HSPA12A: variants seen among roughly 807,000 people sequenced by gnomAD.
The protein encoded by HSPA12A is heat shock protein family A (Hsp70) member 12A.
HSPA12A carries 28 observed loss-of-function variants against 69.2 expected under a neutral mutation model. The observed-to-expected ratio is 0.40, with a 90% CI of 0.30 to 0.55. HSPA12A has a LOEUF of 0.55. Among genes scored for constraint, HSPA12A ranks in the 20% least tolerant of loss-of-function variants. HSPA12A has a pLI of 0.38. For missense variants in HSPA12A, 686 were observed against 900.7 expected (o/e 0.76, Z 3.05); for synonymous variants, 345 against 370.5 (o/e 0.93, Z 0.79).
At chr10:116,701,236 C>T (rs1008308) in intron 3 of HSPA12A, 107 bp from the exon 4 acceptor site, 59,568 of 1,017,750 alleles carry the variant, frequency 0.059, 2,795 homozygotes, top group East Asian at 0.25. Context: ...AATGTGGGTG[C>T]CCAGAGGCAC....
At chr10:116,772,379 G>A (rs1358544329) in intron 2 of HSPA12A, among the ~76,000 whole-genome samples, 2 of 152,118 alleles carry the variant, frequency 1.3e-5, no homozygotes, top group African/African-American at 4.8e-5. Context: ...ACTTGCTCCT[G>A]GGACCAGCAG....
intron 2 of HSPA12A, among the ~76,000 whole-genome samples, chr10:116,747,632 C>T (rs1564807034): frequency 6.6e-6 from 1 of 152,230 alleles, no homozygotes; most frequent in Non-Finnish European, 1.5e-5. Flanking sequence ...TTCTCCAGCC[C>T]ACAGCCCAGT....
At chr10:116,835,076 T>A (rs562963058) in intron 1 of HSPA12A, 1 of 1,145,474 alleles carries the variant, frequency 8.7e-7, no homozygotes, top group South Asian at 4.4e-5. Flanking sequence ...TGTTTCCATG[T>A]TGCTCTTAAG....
intron 1 of HSPA12A, among the ~76,000 whole-genome samples, chr10:116,727,239 C>A (rs1046286526): frequency 2.6e-5 from 4 of 152,162 alleles, no homozygotes; most frequent in African/African-American, 9.7e-5. Context: ...GGGGTCAACT[C>A]ATACAGCTAA....
chr10:116,778,479 A>C (rs58387263), intron 2 of HSPA12A, among the ~76,000 whole-genome samples: 1 of 152,162 alleles, frequency 6.6e-6, no homozygotes, highest in African/African-American at 2.4e-5. Context: ...TCCCTCCCTC[A>C]GAGAGAACCA....
chr10:116,688,082 C>T (rs1171049064), intron 6 of HSPA12A, among the ~76,000 whole-genome samples: 1 of 152,210 alleles, frequency 6.6e-6, no homozygotes, highest in African/African-American at 2.4e-5. Flanking sequence ...ATGTGGCCCA[C>T]GGAAGCCAAA....
At chr10:116,773,821 G>A (rs75456987) in intron 2 of HSPA12A, among the ~76,000 whole-genome samples, 2,214 of 152,314 alleles carry the variant, frequency 0.015, 14 homozygotes, top group Middle Eastern at 0.048. Flanking sequence ...TGATGATGAC[G>A]ATGATGGTGA....
At chr10:116,716,136 G>C (rs1183728600) in intron 1 of HSPA12A, among the ~76,000 whole-genome samples, 5 of 151,894 alleles carry the variant, frequency 3.3e-5, no homozygotes, top group Non-Finnish European at 5.9e-5. Context: ...TGTGAACCCA[G>C]GGCCTCAGAG....
chr10:116,686,849 C>T lies in HSPA12A; in HGVS notation c.664-2887G>A, dbSNP rs2132925418. On this transcript the variant is annotated intron_variant, in intron 6 of 11. Coordinates refer to ENST00000369209, the MANE Select transcript of HSPA12A (RefSeq NM_025015.3). This position sits in a 1 kb window ranked among gnomAD's most constrained non-coding sequence, Gnocchi z 4.1. ...CCTTCCCAAACCATAAGCTCCACCC[C>T]TCATCCCTCTTCCCACACCATAAGC... Among the ~76,000 whole-genome samples the T allele has an allele frequency of 6.6e-6, 1 of 151,338 alleles. No individual in the cohort carries two copies. Among genetic ancestry groups the T allele is most frequent in the East Asian group, 1.9e-4 (1 of 5,132 alleles).
At chr10:116,694,319 C>A (rs140478699) in intron 5 of HSPA12A, among the ~76,000 whole-genome samples, 1 of 152,304 alleles carries the variant, frequency 6.6e-6, no homozygotes, top group East Asian at 1.9e-4. Flanking sequence ...AAGCCATAAC[C>A]CCCTCCCTCC....
chr10:116,797,230 G>C (rs1844847776), intron 2 of HSPA12A, among the ~76,000 whole-genome samples: 1 of 152,112 alleles, frequency 6.6e-6, no homozygotes, highest in African/African-American at 2.4e-5. Flanking sequence ...TATCTGTGTA[G>C]ATCCTATGTA....
At chr10:116,754,122 C>T (rs1416070896) in intron 2 of HSPA12A, among the ~76,000 whole-genome samples, 1 of 152,130 alleles carries the variant, frequency 6.6e-6, no homozygotes, top group African/African-American at 2.4e-5. Flanking sequence ...CCAGGTAATG[C>T]CCTCAAACTG....
chr10:116,790,484 T>C (rs1844680738), intron 2 of HSPA12A, among the ~76,000 whole-genome samples: 1 of 152,116 alleles, frequency 6.6e-6, no homozygotes, highest in African/African-American at 2.4e-5. Context: ...CACCTTGCTG[T>C]TCCTGACGCT....
At chr10:116,701,315 T>G (rs1554881611) in intron 3 of HSPA12A, among the ~76,000 whole-genome samples, 186 bp from the exon 4 acceptor site, 1 of 152,256 alleles carries the variant, frequency 6.6e-6, no homozygotes, top group Non-Finnish European at 1.5e-5. Flanking sequence ...ACTGGGCAAG[T>G]GCAAAGTTCT....
At chr10:116,827,323 A>G (rs1366168491) in intron 2 of HSPA12A, among the ~76,000 whole-genome samples, 2 of 152,212 alleles carry the variant, frequency 1.3e-5, no homozygotes, top group African/African-American at 4.8e-5. Context: ...AGGCTCCCCA[A>G]GGTCTCCCGT....
intron 2 of HSPA12A, among the ~76,000 whole-genome samples, chr10:116,819,735 G>C (rs1209793329): frequency 6.6e-6 from 1 of 152,202 alleles, no homozygotes; most frequent in Non-Finnish European, 1.5e-5. Flanking sequence ...TGGCAACGTG[G>C]GAAAATCGTT....
chr10:116,761,268 T>C (rs1315440352), intron 2 of HSPA12A, among the ~76,000 whole-genome samples: 1 of 152,060 alleles, frequency 6.6e-6, no homozygotes, highest in African/African-American at 2.4e-5. Context: ...GGTGGATCAC[T>C]TGAGGTTAGG....
rs1554877377 is a variant in HSPA12A, at chr10:116,675,027, G to A, written c.1782C>T (p.Ser594=). 2 of 1,614,186 alleles carry A rather than the reference G, an allele frequency of 1.2e-6. No homozygotes were observed. Among genetic ancestry groups the A allele is most frequent in the South Asian group, 2.2e-5 (2 of 91,086 alleles). Residue 594 remains serine (S), a synonymous_variant, in exon 12 of 12, where the codon TCC becomes TCT. Transcript: ENST00000369209. This position sits in a 1 kb window ranked among gnomAD's most constrained non-coding sequence, Gnocchi z 5.2. ...AGATGTTGATGACAATGACCAGCTGGGAGGGCTTGGCCGGGGTGTAGCTAC... is the reference window on the plus strand; with the variant it reads ...AGATGTTGATGACAATGACCAGCTGAGAGGGCTTGGCCGGGGTGTAGCTAC... ...VKRSYTPAKP[S]QLVIVINIYS...
At chr10:116,732,995 A>T (rs1554886021) in intron 1 of HSPA12A, among the ~76,000 whole-genome samples, 15 of 152,070 alleles carry the variant, frequency 9.9e-5, no homozygotes, top group Non-Finnish European at 2.9e-5. Context: ...ACATTAGACA[A>T]CCTGGTCCCA....
Sources: gnomAD v4.1 joint callset for allele counts (sites outside exome capture counted in the v4.1 genomes callset) on GRCh38, gnomAD v4.1.1 for gene constraint, Gnocchi (gnomAD v3.1) non-coding constraint, MANE v1.5 for transcripts, NCBI Gene and HGNC (gene_info 2026-07-23, HGNC 2026-07-21) for gene names.